The following ADCY6 variants were observed in gnomAD, a reference collection of about 807,000 sequenced individuals.
The protein encoded by ADCY6 is adenylate cyclase type 6.
Under a neutral mutation model 111.6 loss-of-function variants are expected in ADCY6, and 59 were observed. The ratio of observed to expected loss-of-function variants is 0.53; its 90% confidence interval spans 0.43 to 0.66. The LOEUF is 0.66. ADCY6 is among the 30% of genes least tolerant of loss of function. The probability of loss-of-function intolerance (pLI) is 0.00; values close to 1 mark genes in which losing one functional copy is unlikely to be tolerated. For missense variants in ADCY6, 1,242 were observed against 1,595.6 expected, an observed-to-expected ratio of 0.78 and a Z score of 3.78; for synonymous variants, 576 against 642.9, an observed-to-expected ratio of 0.90 and a Z score of 1.57.
At chr12:48,775,797 G>A (rs554092189) in intron 9 of ADCY6, 99 bp from the exon 10 acceptor site, 10 of 1,524,956 alleles carry the variant, frequency 6.6e-6, no homozygotes, top group Admixed American at 3.8e-5. Context: ...GGGTGTCCCC[G>A]TCATATCCTC....
At position 48,782,745 on chromosome 12, in the gene ADCY6, T is replaced by G. The variant is rs773110195; in HGVS notation, c.690A>C (p.Ala230=). Residue 230 remains alanine (A), a synonymous_variant, in exon 2 of 22, where the codon GCA becomes GCC. Transcript: ENST00000357869. This position sits in a 1 kb window ranked among gnomAD's most constrained non-coding sequence, Gnocchi z 4.3. ...GGCCCGCAGAGGGGCTGCGCGGGTCTGCTGCGAGAGCGCCCCCGACCTGCA... is the reference window on the plus strand; with the variant it reads ...GGCCCGCAGAGGGGCTGCGCGGGTCGGCTGCGAGAGCGCCCCCGACCTGCA... ...AAVQVGGALA[A]DPRSPSAGLW... 8.7e-6 allele frequency: 14 copies of G among 1,606,594 alleles called. No homozygotes were observed. Among genetic ancestry groups the G allele is most frequent in the African/African-American group, 1.3e-5 (1 of 74,792 alleles).
Position 48,768,288 on chromosome 12 carries a change from G to A in ADCY6, c.*303C>T, listed in dbSNP as rs1332793335. On this transcript the variant is annotated 3_prime_UTR_variant, in exon 22 of 22. Transcript: ENST00000357869. ...TGCCATTTTAATCCCTCAGGCAAGAGGCCTCCCTCTGCTTCTGCTACTGAC... is the reference window on the plus strand; with the variant it reads ...TGCCATTTTAATCCCTCAGGCAAGAAGCCTCCCTCTGCTTCTGCTACTGAC... 1 of 464,268 alleles carries A rather than the reference G, an allele frequency of 2.2e-6. No individual in the cohort carries two copies. Among genetic ancestry groups the A allele is most frequent in the Non-Finnish European group, 4.0e-6 (1 of 252,948 alleles). The allele number at this position is 464,268 out of a possible 1,614,324, so 28.8% of individuals were successfully genotyped here.
In ADCY6 at chr12:48,783,501, A is replaced by T. The variant is rs947250212; in HGVS notation, c.-4-63T>A. On this transcript the variant is annotated intron_variant, in intron 1 of 21. Transcript: ENST00000357869. ...CAGTAGGAGTGGTATTAATACCACC[A>T]TCACAGCCACTGCCACCACTAGTAG... is the stretch of plus-strand genomic sequence containing the variant. 35 of 1,603,280 alleles carry T rather than the reference A, an allele frequency of 2.2e-5. No individual in the cohort carries two copies. The Admixed American group carries it at 5.9e-4, about 27-fold the overall frequency.
chr12:48,779,936 T>C (rs1319228678), intron 2 of ADCY6, among the ~76,000 whole-genome samples: 1 of 152,108 alleles, frequency 6.6e-6, no homozygotes, highest in Non-Finnish European at 1.5e-5. Context: ...GCCTCTGGGA[T>C]GGGCCTCCTA....
chr12:48,773,227 T>G (rs899146484), intron 16 of ADCY6, among the ~76,000 whole-genome samples: 5 of 151,938 alleles, frequency 3.3e-5, no homozygotes, highest in African/African-American at 1.2e-4. Context: ...CATGCAAATG[T>G]AAGAGGGAAT....
In ADCY6 at chr12:48,782,653, A is replaced by T; in HGVS notation, c.782T>A (p.Val261Asp). 1.9e-6 allele frequency: 3 copies of T among 1,604,108 alleles called. No individual in the cohort carries two copies. The highest frequency in any genetic ancestry group is 2.6e-6 in the Non-Finnish European group (3 of 1,174,698). Reference protein sequence around the residue: ...TLLPIRMRAAVLSGLGLSTLH... With the variant: ...TLLPIRMRAADLSGLGLSTLH... ...GGTGGAGAGGCCCAGGCCGCTGAGG[A>T]CGGCAGCCCGCATGCGGATGGGGAG... The change falls in exon 2 of 22, where the codon GTC becomes GAC. Residue 261 changes from valine to aspartate, a missense_variant. This residue lies in a region of ADCY6 where 362 missense variants were observed against 377.2 expected (regional missense o/e 0.96). Coordinates refer to ENST00000357869, the MANE Select transcript of ADCY6 (RefSeq NM_015270.5). This position sits in a 1 kb window ranked among gnomAD's most constrained non-coding sequence, Gnocchi z 4.3.
intron 20 of ADCY6, 22 bp from the exon 21 acceptor site, chr12:48,769,083 G>A: frequency 6.3e-7 from 1 of 1,596,254 alleles, no homozygotes; most frequent in South Asian, 1.1e-5. Context: ...AGAACAGCAA[G>A]AGACTAGTGG....
chr12:48,785,092 G>A (rs1418332494), intron 1 of ADCY6, among the ~76,000 whole-genome samples: 2 of 152,138 alleles, frequency 1.3e-5, no homozygotes, highest in African/African-American at 4.8e-5. Context: ...CCTTATCAGT[G>A]AGGCTCCCTC....
Position 48,773,579 on chromosome 12 carries a change from C to T in ADCY6, c.2511G>A (p.Gly837=), listed in dbSNP as rs1476431985. 9 of 1,614,008 alleles carry T rather than the reference C, an allele frequency of 5.6e-6. No individual in the cohort carries two copies. The highest frequency in any genetic ancestry group is 2.2e-5 in the South Asian group (2 of 91,086). Residue 837 remains glycine, a synonymous_variant, in exon 16 of 22, where the codon GGG becomes GGA. Coordinates refer to ENST00000357869, the MANE Select transcript of ADCY6 (RefSeq NM_015270.5). ...SSVFLHISSI[G]KLAMIFVLGL... ...CCAAGACAAAGATCATGGCCAACTTCCCGATGCTGCTGATGTGCAGGAAGA... is the reference window on the plus strand; with the variant it reads ...CCAAGACAAAGATCATGGCCAACTTTCCGATGCTGCTGATGTGCAGGAAGA...
Position 48,776,814 on chromosome 12 carries a change from T to C in ADCY6, c.1377-228A>G, listed in dbSNP as rs1259123751. ...CCAGCAGCATCTTATGGAACTGAGC[T>C]AGGAGAAGAGGAATCACTGTTATCC... is the stretch of plus-strand genomic sequence containing the variant. On this transcript the variant is annotated intron_variant, in intron 6 of 21. Coordinates refer to ENST00000357869, the MANE Select transcript of ADCY6 (RefSeq NM_015270.5). This position sits in a 1 kb window ranked among gnomAD's most constrained non-coding sequence, Gnocchi z 6.1. Among the ~76,000 whole-genome samples, 1 of 152,168 alleles carries C rather than the reference T, an allele frequency of 6.6e-6. No homozygotes were observed. Among genetic ancestry groups the C allele is most frequent in the Non-Finnish European group, 1.5e-5 (1 of 68,022 alleles).
At position 48,775,696 on chromosome 12, in the gene ADCY6, G is replaced by T. The variant is rs1941678687; in HGVS notation, c.1809C>A (p.Gly603=). 1.2e-6 allele frequency: 2 copies of T among 1,613,468 alleles called. No individual in the cohort carries two copies. The highest frequency in any genetic ancestry group is 2.2e-5 in the South Asian group (2 of 91,054). The change falls in exon 10 of 22, where the codon GGC becomes GGA. Residue 603 remains glycine, a splice_region_variant and synonymous_variant. Transcript: ENST00000357869. ...TKDSKAFRQM[G]IDDSSKDNRG... is the part of the protein sequence containing the mutation. ...ACTTGTCTTTGCTGGAATCATCAAT[G>T]CCCTGGAGAAAGGGACAGAGTGTGG...
intron 2 of ADCY6, among the ~76,000 whole-genome samples, chr12:48,778,912 T>C (rs1185985412): frequency 1.7e-5 from 2 of 120,036 alleles, no homozygotes; most frequent in African/African-American, 6.6e-5. Flanking sequence ...AGAGCCTTGC[T>C]CTGTCACCCA....
chr12:48,779,018 C>T (rs370438290), intron 2 of ADCY6, among the ~76,000 whole-genome samples: 11 of 150,836 alleles, frequency 7.3e-5, no homozygotes, highest in African/African-American at 2.7e-4. Flanking sequence ...GCTGGGATTA[C>T]AGCCACCTGC....
In ADCY6 at chr12:48,784,994, C is replaced by T. The variant is rs559892015; in HGVS notation, c.-4-1556G>A. The stretch of plus-strand genomic sequence containing the variant: ...AGAACCTCTTTGCTGTTTCCCAACA[C>T]ACCCCGCACAGGCCAGCCTGGGACC... On this transcript the variant is annotated intron_variant, in intron 1 of 21. Coordinates refer to ENST00000357869, the MANE Select transcript of ADCY6 (RefSeq NM_015270.5). Among the ~76,000 whole-genome samples, 6 of 152,284 alleles carry T rather than the reference C, an allele frequency of 3.9e-5. 1 individual carries two copies. The South Asian group carries it at 1.2e-3, about 32-fold the overall frequency.
rs200775328 is a variant in ADCY6, at chr12:48,782,796, G to A, written c.639C>T (p.Tyr213=). The stretch of plus-strand genomic sequence containing the variant: ...CTGCCGCCAGGATGCCCAGCACCAC[G>A]TAGCTCACCACCCACATGGAGTCCT... ...FRQDSMWVVS[Y]VVLGILAAVQ... Residue 213 remains tyrosine, a synonymous_variant, in exon 2 of 22, where the codon TAC becomes TAT. Coordinates refer to ENST00000357869, the MANE Select transcript of ADCY6 (RefSeq NM_015270.5). This position sits in a 1 kb window ranked among gnomAD's most constrained non-coding sequence, Gnocchi z 4.3. 225 of 1,613,844 alleles carry A rather than the reference G, an allele frequency of 1.4e-4. No homozygotes were observed. The highest frequency in any genetic ancestry group is 1.8e-4 in the Non-Finnish European group (210 of 1,179,886).
At position 48,771,690 on chromosome 12, in the gene ADCY6, C is replaced by T. The variant is rs767479214; in HGVS notation, c.3051+20G>A. ...AAGTACCCCCCACTCTCTGCCACCA[C>T]CAGCCAACTGGAAAAGTACCTCATC... On this transcript the variant is annotated intron_variant, in intron 19 of 21. Transcript: ENST00000357869. This position sits in a 1 kb window ranked among gnomAD's most constrained non-coding sequence, Gnocchi z 4.3. The T allele has an allele frequency of 6.2e-7, 1 of 1,613,632 alleles. No homozygotes were observed. Among genetic ancestry groups the T allele is most frequent in the South Asian group, 1.1e-5 (1 of 91,082 alleles).
At chr12:48,774,570 T>C (rs773706458) in intron 13 of ADCY6, 52 bp from the exon 14 acceptor site, 27 of 1,588,876 alleles carry the variant, frequency 1.7e-5, no homozygotes, top group Non-Finnish European at 2.2e-5. Flanking sequence ...CAAGGAGGAA[T>C]GGCAACCAGG....
In ADCY6 at chr12:48,782,737, C is replaced by A. The variant is rs748840221; in HGVS notation, c.698G>T (p.Arg233Leu). 5.6e-6 allele frequency: 9 copies of A among 1,601,904 alleles called. No individual in the cohort carries two copies. The highest frequency in any genetic ancestry group is 7.7e-6 in the Non-Finnish European group (9 of 1,174,142). Residue 233 changes from arginine (R) to leucine (L), a missense_variant, in exon 2 of 22, where the codon CGC becomes CTC. Physicochemically the swap from Arg to Leu is moderately radical, Grantham distance 102. Transcript: ENST00000357869. The surrounding 1 kb of genome is among the most constrained non-coding windows in gnomAD (Gnocchi z 4.3). Reference protein sequence around the residue: ...QVGGALAADPRSPSAGLWCPV... With the variant: ...QVGGALAADPLSPSAGLWCPV... The stretch of plus-strand genomic sequence containing the variant: ...GCACCAGAGGCCCGCAGAGGGGCTG[C>A]GCGGGTCTGCTGCGAGAGCGCCCCC...
Position 48,776,959 on chromosome 12 carries a change from A to G in ADCY6, c.1376+145T>C. On this transcript the variant is annotated intron_variant, in intron 6 of 21. Transcript: ENST00000357869. This position sits in a 1 kb window ranked among gnomAD's most constrained non-coding sequence, Gnocchi z 6.1. ...CCGCATGGGTCTTTGCACAGGTTGGAGAAAGATTCCCCTTCCCAGTGACAG... is the reference window on the plus strand; with the variant it reads ...CCGCATGGGTCTTTGCACAGGTTGGGGAAAGATTCCCCTTCCCAGTGACAG... The G allele has an allele frequency of 7.7e-7, 1 of 1,302,842 alleles. No individual in the cohort carries two copies. Among genetic ancestry groups the G allele is most frequent in the Non-Finnish European group, 1.0e-6 (1 of 956,466 alleles). The allele number at this position is 1,302,842 out of a possible 1,614,324, so 80.7% of individuals were successfully genotyped here.
Sources: allele counts gnomAD v4.1 joint callset (sites outside exome capture counted in the v4.1 genomes callset), GRCh38; gene constraint gnomAD v4.1.1; regional missense constraint gnomAD v4.1.1; non-coding constraint Gnocchi (gnomAD v3.1); transcripts MANE v1.5; gene names NCBI Gene and HGNC (gene_info 2026-07-23, HGNC 2026-07-21).